Variants in ZNF385D observed in about 807,000 individuals in gnomAD.
ZNF385D encodes the protein zinc finger protein 385D.
ZNF385D carries 15 observed loss-of-function variants against 35.8 expected under a neutral mutation model. The ratio of observed to expected loss-of-function variants is 0.42; its 90% CI spans 0.28 to 0.64. The LOEUF is 0.64. Among genes scored for constraint, ZNF385D ranks in the 30% least tolerant of loss-of-function variants. The pLI is 0.23. For synonymous variants in ZNF385D, 212 were observed against 186.8 expected, an observed-to-expected ratio of 1.13 and a Z score of -1.10; for missense variants, 474 against 494.6, an observed-to-expected ratio of 0.96 and a Z score of 0.39.
chr3:22,226,096 C>A (rs924152218), intron 2 of ZNF385D, among the ~76,000 whole-genome samples: 1 of 151,928 alleles, frequency 6.6e-6, no homozygotes, highest in Non-Finnish European at 1.5e-5. Context: ...GGAAAAGAAT[C>A]TTCTCTCTCC....
intron 3 of ZNF385D, among the ~76,000 whole-genome samples, chr3:22,065,157 G>C (rs1483530534): frequency 9.9e-5 from 15 of 152,164 alleles, no homozygotes. Context: ...TTGAGAGAGT[G>C]TGGAGTTAGT....
Position 21,902,975 on chromosome 3 carries a change from T to C in ZNF385D, c.326-237947A>G, listed in dbSNP as rs572475302. Among the ~76,000 whole-genome samples the C allele has an allele frequency of 2.6e-5, 4 of 152,300 alleles. No individual in the cohort carries two copies. The South Asian group carries it at 8.3e-4, about 32-fold the overall frequency. On this transcript the variant is annotated intron_variant, in intron 3 of 5. Coordinates refer to the ZNF385D transcript ENST00000494108. ...AACCTCATCAATACAGACCTGTTTC[T>C]GTCATCTTTGAGACCACAACTCAAA...
intron 3 of ZNF385D, among the ~76,000 whole-genome samples, chr3:21,944,907 G>A (rs1701699985): frequency 6.6e-6 from 1 of 151,988 alleles, no homozygotes; most frequent in Admixed American, 6.6e-5. Flanking sequence ...TCATTTTATA[G>A]AGCAGTACAG....
At chr3:21,684,083 T>C (rs2067003925) in intron 1 of ZNF385D, among the ~76,000 whole-genome samples, 1 of 149,752 alleles carries the variant, frequency 6.7e-6, no homozygotes, top group South Asian at 2.1e-4. Context: ...ACTGTGAGTG[T>C]GGTATATGTC....
At chr3:21,967,083 A>G (rs544317576) in intron 3 of ZNF385D, among the ~76,000 whole-genome samples, 1 of 152,342 alleles carries the variant, frequency 6.6e-6, no homozygotes, top group South Asian at 2.1e-4. Context: ...CATACATTGT[A>G]TGATCTACAA....
At chr3:22,120,542 A>C (rs1703038506) in intron 3 of ZNF385D, among the ~76,000 whole-genome samples, 1 of 152,120 alleles carries the variant, frequency 6.6e-6, no homozygotes, top group Non-Finnish European at 1.5e-5. Context: ...CTCTTAATAC[A>C]CAGCACAACA....
chr3:21,877,710 G>A (rs1012398627), intron 3 of ZNF385D: 4 of 152,000 alleles, frequency 2.6e-5, no homozygotes, highest in Non-Finnish European at 5.9e-5. Context: ...TATGTCAGAT[G>A]CTGATAGAAT....
At chr3:22,303,068 G>C (rs1702994185) in intron 2 of ZNF385D, among the ~76,000 whole-genome samples, 1 of 151,820 alleles carries the variant, frequency 6.6e-6, no homozygotes, top group South Asian at 2.1e-4. Context: ...AACATAATTG[G>C]TGCATACTAA....
chr3:21,747,248 A>C (rs1321263485), intron 1 of ZNF385D, among the ~76,000 whole-genome samples: 1 of 152,168 alleles, frequency 6.6e-6, no homozygotes, highest in Non-Finnish European at 1.5e-5. Context: ...CTCTAGGTTT[A>C]ATTAATATGC....
intron 3 of ZNF385D, among the ~76,000 whole-genome samples, chr3:21,898,574 A>C (rs550146339): frequency 6.6e-6 from 1 of 152,144 alleles, no homozygotes; most frequent in Non-Finnish European, 1.5e-5. Context: ...ATAACTTCCA[A>C]TTTACCAGAA....
chr3:22,354,565 A>G (rs1016120156), intron 2 of ZNF385D, among the ~76,000 whole-genome samples: 10 of 152,108 alleles, frequency 6.6e-5, no homozygotes, highest in African/African-American at 2.4e-4. Context: ...AATTGAATAA[A>G]TAATGTATAA....
At chr3:22,264,154 C>T (rs1223726027) in intron 2 of ZNF385D, among the ~76,000 whole-genome samples, 1 of 151,916 alleles carries the variant, frequency 6.6e-6, no homozygotes, top group African/African-American at 2.4e-5. Flanking sequence ...AACTGTGAGG[C>T]ATATATAAGA....
chr3:22,149,138 G>C (rs1705063332), intron 3 of ZNF385D, among the ~76,000 whole-genome samples: 1 of 152,110 alleles, frequency 6.6e-6, no homozygotes, highest in South Asian at 2.1e-4. Flanking sequence ...ACCTGTATCA[G>C]AATCTGCATT....
chr3:22,316,908 C>T (rs955519935), intron 2 of ZNF385D, among the ~76,000 whole-genome samples: 3 of 152,066 alleles, frequency 2.0e-5, no homozygotes, highest in Non-Finnish European at 4.4e-5. Context: ...GTCTTGCCTC[C>T]TACCCTTCAC....
In ZNF385D at chr3:21,727,297, G is replaced by A. The variant is rs367936296; in HGVS notation, c.22+23598C>T. 1.3e-3 allele frequency among the ~76,000 whole-genome samples: 203 copies of A among 152,204 alleles called. 1 individual carries two copies. The highest frequency in any genetic ancestry group is 4.7e-3 in the African/African-American group (197 of 41,544). Reference sequence around the variant, plus strand: ...TTATGTCCAAAACACCAAAAGCCATGGCAACAAAAGCCAAAATTGACAAAT... The same window carrying A: ...TTATGTCCAAAACACCAAAAGCCATAGCAACAAAAGCCAAAATTGACAAAT... On this transcript the variant is annotated intron_variant, in intron 1 of 7. Transcript: ENST00000281523.
chr3:22,297,517 G>C (rs1352871974), intron 2 of ZNF385D, among the ~76,000 whole-genome samples: 2 of 152,096 alleles, frequency 1.3e-5, no homozygotes, highest in Admixed American at 1.3e-4. Context: ...AAGGGGGCAT[G>C]GCTGAAGTGG....
chr3:21,663,915 A>ATATATATATATATATT (rs1159950305), intron 2 of ZNF385D, among the ~76,000 whole-genome samples: 183 of 105,836 alleles, frequency 1.7e-3, no homozygotes, highest in African/African-American at 3.2e-3. Context: ...ATATATATAT[A>ATATATATATATATATT]TATTTATTTA....
At chr3:22,358,651 G>T (rs1406534914) in intron 2 of ZNF385D, among the ~76,000 whole-genome samples, 1 of 151,766 alleles carries the variant, frequency 6.6e-6, no homozygotes, top group Non-Finnish European at 1.5e-5. Flanking sequence ...GATGTGACTT[G>T]TAATAAAAGA....
chr3:21,815,165 C>G (rs886197541), intron 3 of ZNF385D, among the ~76,000 whole-genome samples: 18 of 152,166 alleles, frequency 1.2e-4, no homozygotes, highest in Non-Finnish European at 2.9e-5. Flanking sequence ...ACCAGAATCT[C>G]TGGGACACAT....
Sources: gnomAD v4.1 joint callset for allele counts (sites outside exome capture counted in the v4.1 genomes callset) on GRCh38, gnomAD v4.1.1 for gene constraint, MANE v1.5 for transcripts, NCBI Gene and HGNC (gene_info 2026-07-23, HGNC 2026-07-21) for gene names.